The following KCNN2 variants were observed in gnomAD, a reference collection of about 807,000 sequenced individuals.
KCNN2 encodes the protein small conductance calcium-activated potassium channel protein 2.
Under a neutral mutation model 55.5 loss-of-function variants are expected in KCNN2, and 24 were observed. The ratio of observed to expected loss-of-function variants is 0.43; its 90% CI spans 0.31 to 0.61. KCNN2 has a LOEUF of 0.61. Ranked by LOEUF, KCNN2 falls within the 20% of genes least tolerant of loss-of-function variation. The pLI, the probability that KCNN2 is intolerant of heterozygous loss-of-function variation, is 0.08. For synonymous variants in KCNN2, 431 were observed against 336.1 expected, an observed-to-expected ratio of 1.28 and a Z score of -3.09; for missense variants, 754 against 853.6, an observed-to-expected ratio of 0.88 and a Z score of 1.45.
At chr5:114,280,048 C>G (rs557994505) in intron 2 of KCNN2, among the ~76,000 whole-genome samples, 2 of 152,240 alleles carry the variant, frequency 1.3e-5, no homozygotes, top group African/African-American at 4.8e-5. Context: ...CTCTGATGGC[C>G]AGTGATGATG....
intron 2 of KCNN2, among the ~76,000 whole-genome samples, chr5:114,336,472 C>T (rs1016611528): frequency 1.3e-5 from 2 of 152,262 alleles, no homozygotes; most frequent in African/African-American, 4.8e-5. Flanking sequence ...TCTAGTTATT[C>T]ATTCATTCAT....
intron 1 of KCNN2, among the ~76,000 whole-genome samples, chr5:114,079,844 TGAGA>T (rs370135875): frequency 0.018 from 2,735 of 149,416 alleles, 24 homozygotes; most frequent in Middle Eastern, 0.038. Context: ...TGTGTGTGTG[TGAGA>T]GAGAGAGAGA....
chr5:114,296,841 A>G (rs1162729936), intron 2 of KCNN2, among the ~76,000 whole-genome samples: 2 of 152,228 alleles, frequency 1.3e-5, no homozygotes, highest in Non-Finnish European at 2.9e-5. Context: ...GTGACAATAT[A>G]TATTTCTTCC....
intron 3 of KCNN2, among the ~76,000 whole-genome samples, chr5:114,449,908 A>ACACACACGCGCG (rs1309590184): frequency 3.0e-5 from 2 of 66,184 alleles, no homozygotes; most frequent in South Asian, 6.4e-4. Context: ...ACACACACAC[A>ACACACACGCGCG]CGCGCGCGCT....
At chr5:114,147,709 G>C (rs1187581897) in intron 1 of KCNN2, among the ~76,000 whole-genome samples, 1 of 152,186 alleles carries the variant, frequency 6.6e-6, no homozygotes, top group Non-Finnish European at 1.5e-5. Flanking sequence ...TAATGCATAA[G>C]TAGGGATGCC....
chr5:114,469,948 G>A (rs545897040), intron 4 of KCNN2, among the ~76,000 whole-genome samples: 4 of 152,284 alleles, frequency 2.6e-5, no homozygotes, highest in African/African-American at 9.6e-5. Context: ...GTTTCTAAGT[G>A]GCTCTGGAGG....
intron 1 of KCNN2, among the ~76,000 whole-genome samples, chr5:114,132,626 C>A (rs1185421758): frequency 2.6e-5 from 4 of 152,122 alleles, no homozygotes; most frequent in Admixed American, 2.6e-4. Flanking sequence ...AGCATAGACT[C>A]TAATGGTTCA....
intron 2 of KCNN2, among the ~76,000 whole-genome samples, chr5:114,225,769 G>T (rs1754227491): frequency 6.6e-6 from 1 of 152,162 alleles, no homozygotes; most frequent in East Asian, 1.9e-4. Flanking sequence ...TGAGGGAATT[G>T]ATTTTGAACC....
intron 2 of KCNN2, among the ~76,000 whole-genome samples, chr5:114,242,218 A>G (rs1754660053): frequency 6.6e-6 from 1 of 152,120 alleles, no homozygotes; most frequent in Non-Finnish European, 1.5e-5. Context: ...CTATGCAAAC[A>G]TCCTTGTAAA....
At position 114,381,553 on chromosome 5, in the gene KCNN2, C is replaced by T. The variant is rs551378088; in HGVS notation, c.1218+17552C>T. Reference sequence around the variant, plus strand: ...TATAATAAGACACAGAGACTCTTCTCTGGGCCCGCTTGTGTCCCTCCAAGA... The same window carrying T: ...TATAATAAGACACAGAGACTCTTCTTTGGGCCCGCTTGTGTCCCTCCAAGA... On this transcript the variant is annotated intron_variant, in intron 2 of 7. Coordinates refer to ENST00000673685, the MANE Select transcript of KCNN2 (RefSeq NM_021614.4). Among the ~76,000 whole-genome samples the T allele has an allele frequency of 7.4e-4, 112 of 152,360 alleles. 2 individuals are homozygous for T. The highest frequency in any genetic ancestry group is 2.5e-3 in the African/African-American group (103 of 41,588).
intron 2 of KCNN2, among the ~76,000 whole-genome samples, chr5:114,394,666 A>G (rs551111111): frequency 1.3e-5 from 2 of 152,312 alleles, no homozygotes; most frequent in African/African-American, 4.8e-5. Flanking sequence ...TTGTATGGGT[A>G]TGAGGCATGG....
At chr5:114,088,490 CT>C (rs1274622476) in intron 1 of KCNN2, among the ~76,000 whole-genome samples, 1 of 151,548 alleles carries the variant, frequency 6.6e-6, no homozygotes, top group Non-Finnish European at 1.5e-5. Context: ...TTTTTTCCTG[CT>C]TTTTTGTTCC....
chr5:114,160,423 A>G (rs1386776604), intron 1 of KCNN2, among the ~76,000 whole-genome samples: 2 of 152,170 alleles, frequency 1.3e-5, no homozygotes, highest in African/African-American at 4.8e-5. Flanking sequence ...TTTACTTCCA[A>G]TTATGTGGTC....
chr5:114,268,954 T>C (rs1755263963), intron 2 of KCNN2, among the ~76,000 whole-genome samples: 1 of 151,858 alleles, frequency 6.6e-6, no homozygotes, highest in Non-Finnish European at 1.5e-5. Flanking sequence ...GGGGGGGTTC[T>C]CTGAGGATCC....
At chr5:114,140,317 C>A (rs1448419652) in intron 1 of KCNN2, among the ~76,000 whole-genome samples, 15 of 152,168 alleles carry the variant, frequency 9.9e-5, no homozygotes, top group Admixed American at 8.5e-4. Flanking sequence ...CTCTTACTGG[C>A]CTGCCAGCCT....
chr5:114,365,789 A>C (rs1227110379), intron 2 of KCNN2, among the ~76,000 whole-genome samples: 1 of 152,244 alleles, frequency 6.6e-6, no homozygotes, highest in Non-Finnish European at 1.5e-5. Flanking sequence ...TTAACTTGAA[A>C]AATGTTTTGT....
intron 2 of KCNN2, among the ~76,000 whole-genome samples, chr5:114,264,300 T>C (rs1425769321): frequency 6.6e-6 from 1 of 152,194 alleles, no homozygotes; most frequent in African/African-American, 2.4e-5. Context: ...ACACTTTTAT[T>C]ATCATCCTTT....
chr5:114,404,894 T>C, intron 3 of KCNN2, 38 bp downstream of exon 3: 1 of 1,549,910 alleles, frequency 6.5e-7, no homozygotes, highest in Non-Finnish European at 8.7e-7. Context: ...TAATTTACCA[T>C]GTGGTATCTT....
At chr5:114,345,255 C>T (rs1757085971) in intron 2 of KCNN2, among the ~76,000 whole-genome samples, 1 of 152,006 alleles carries the variant, frequency 6.6e-6, no homozygotes, top group Admixed American at 6.6e-5. Context: ...AAAAAATATA[C>T]ATGTGTCAAC....
Sources: allele counts gnomAD v4.1 joint callset (sites outside exome capture counted in the v4.1 genomes callset), GRCh38; gene constraint gnomAD v4.1.1; transcripts MANE v1.5; gene names NCBI Gene and HGNC (gene_info 2026-07-23, HGNC 2026-07-21).